The following LETM2 variants were observed in gnomAD, a reference collection of about 807,000 sequenced individuals.
LETM2 encodes the protein LETM1 domain-containing protein LETM2, mitochondrial.
LETM2 carries 58 observed loss-of-function variants against 59.6 expected under a neutral mutation model. The ratio of observed to expected loss-of-function variants is 0.97; its 90% CI spans 0.79 to 1.21. The LOEUF is 1.21. Ranked by LOEUF, LETM2 falls within the 50% of genes most tolerant of loss-of-function variation. The pLI is 0.00. For synonymous variants in LETM2, 199 were observed against 214.1 expected (o/e 0.93, Z 0.62); for missense variants, 572 against 575.7 (o/e 0.99, Z 0.07).
chr8:38,400,445 G>C, intron 5 of LETM2, 36 bp downstream of exon 5: 10 of 1,525,860 alleles, frequency 6.6e-6, no homozygotes, highest in Non-Finnish European at 8.8e-6. Context: ...ACAACTTCGG[G>C]GCTGGGCGTT....
upstream of LETM2, among the ~76,000 whole-genome samples, chr8:38,383,855 G>A (rs1256230873): frequency 2.0e-5 from 3 of 151,594 alleles, no homozygotes; most frequent in South Asian, 2.1e-4. Flanking sequence ...GCGTGAACCC[G>A]GGAAGCGGAG....
At chr8:38,388,248 C>G (rs1811933146) in intron 2 of LETM2, among the ~76,000 whole-genome samples, 1 of 151,774 alleles carries the variant, frequency 6.6e-6, no homozygotes, top group African/African-American at 2.4e-5. Context: ...TCCGGCTAAT[C>G]TTTGTATTTT....
At position 38,403,439 on chromosome 8, in the gene LETM2, A is replaced by T. The variant is rs1013577459; in HGVS notation, c.1104+795A>T. Among the ~76,000 whole-genome samples the T allele has an allele frequency of 5.9e-5, 9 of 152,244 alleles. No individual in the cohort carries two copies. The East Asian group carries it at 1.7e-3, about 29-fold the overall frequency. On this transcript the variant is annotated intron_variant, in intron 7 of 10. Transcript: ENST00000379957. ...CTGTCATCTGTGTGAATCTGTCTGG[A>T]GGTCCCCACTTTGCCTGGTGGCCCA... is the stretch of plus-strand genomic sequence containing the variant.
At chr8:38,406,161 TTATC>T (rs1813699220) in intron 8 of LETM2, among the ~76,000 whole-genome samples, 1 of 152,204 alleles carries the variant, frequency 6.6e-6, no homozygotes, top group Non-Finnish European at 1.5e-5. Flanking sequence ...ATTCTTATCG[TTATC>T]TATTTTAATA....
Position 38,388,963 on chromosome 8 carries a change from G to A in LETM2, c.47+933G>A, listed in dbSNP as rs149538322. ...GTATTTTTAGTACAGATGGGGTTTC[G>A]CCATGTTGGCCAGGCTGGTCTTGAA... On this transcript the variant is annotated intron_variant, in intron 2 of 10. Transcript: ENST00000379957. 4.0e-3 allele frequency among the ~76,000 whole-genome samples: 606 copies of A among 151,586 alleles called. 4 individuals carry two copies. The highest frequency in any genetic ancestry group is 0.014 in the African/African-American group (578 of 41,374).
chr8:38,393,029 G>T (rs748613526), intron 3 of LETM2, 34 bp downstream of exon 3: 2 of 1,517,548 alleles, frequency 1.3e-6, no homozygotes, highest in South Asian at 2.4e-5. Flanking sequence ...AAGAAAATGT[G>T]AAATTAAAAT....
At chr8:38,403,937 C>T (rs1177424685) in intron 7 of LETM2, among the ~76,000 whole-genome samples, 2 of 152,196 alleles carry the variant, frequency 1.3e-5, no homozygotes, top group African/African-American at 4.8e-5. Flanking sequence ...CAGGCCACTG[C>T]AGCCTCAAAC....
rs767684992 is a variant in LETM2 at position 38,401,056 on chromosome 8, A to G, written c.984+3A>G. 1.2e-6 allele frequency: 2 copies of G among 1,611,440 alleles called. No homozygotes were observed. On this transcript the variant is annotated splice_donor_region_variant and intron_variant, in intron 6 of 10. Coordinates refer to ENST00000379957, the MANE Select transcript of LETM2 (RefSeq NM_001286819.2). Reference sequence around the variant, plus strand: ...AGTCTATAAAAGCAGATGATGAAGTAAGAGCTTAACCATAGCTCTAGGGAA... The same window carrying G: ...AGTCTATAAAAGCAGATGATGAAGTGAGAGCTTAACCATAGCTCTAGGGAA...
rs1236140704 is a variant in LETM2 at position 38,386,557 on chromosome 8, C to T, written c.-46C>T. 1 of 152,210 alleles carries T rather than the reference C, an allele frequency of 6.6e-6. No individual in the cohort carries two copies. Among genetic ancestry groups the T allele is most frequent in the African/African-American group, 2.4e-5 (1 of 41,444 alleles). The allele number at this position is 152,210 out of a possible 1,614,324, so 9.4% of individuals were successfully genotyped here. On this transcript the variant is annotated 5_prime_UTR_variant, in exon 1 of 11. Transcript: ENST00000379957. ...GACCTAGGCGGCCGTTCCGCGGAGC[C>T]CGGCCGAGGAGGTAGGGGTGGGCAG...
Position 38,400,365 on chromosome 8 carries a change from A to C in LETM2, c.739A>C (p.Lys247Gln), listed in dbSNP as rs1185926240. ...AGAAATGGCAAGGAGGAACAGAGCC[A>C]AGATGGGCGATGCCTCTACACAGCT... The part of the protein sequence containing the change: ...MTEMARRNRA[K>Q]MGDASTQLSS... Residue 247 changes from lysine to glutamine, a missense_variant, in exon 5 of 11, where the codon AAG (lysine) becomes CAG (glutamine). Coordinates refer to ENST00000379957, the MANE Select transcript of LETM2 (RefSeq NM_001286819.2). The C allele has an allele frequency of 6.2e-7, 1 of 1,613,628 alleles. No homozygotes were observed. Among genetic ancestry groups the C allele is most frequent in the Non-Finnish European group, 8.5e-7 (1 of 1,179,812 alleles).
chr8:38,397,162 A>C (rs1393216051), intron 4 of LETM2: 1 of 455,888 alleles, frequency 2.2e-6, no homozygotes, highest in Non-Finnish European at 4.4e-6. Flanking sequence ...ACATTATGAG[A>C]AGACAAAAAG....
intron 2 of LETM2, among the ~76,000 whole-genome samples, chr8:38,389,733 G>T (rs1812060117): frequency 6.6e-6 from 1 of 150,866 alleles, no homozygotes; most frequent in African/African-American, 2.4e-5. Flanking sequence ...AGGCACTGTG[G>T]CTCACGCCTG....
In LETM2 at chr8:38,408,583, AG is replaced by A. The variant is rs1269942365; in HGVS notation, c.*311del. 1.3e-5 allele frequency: 3 copies of A among 223,502 alleles called. No homozygotes were observed. Among genetic ancestry groups the A allele is most frequent in the African/African-American group, 6.9e-5 (3 of 43,770 alleles). 13.8% of individuals were successfully genotyped at this position (223,502 alleles called of 1,614,324 possible). ...GTTTCATGTGTACGTCCCTTCAGAG[AG>A]GAAATTTTTTGCACAATGGAATCAG... On this transcript the variant is annotated 3_prime_UTR_variant, in exon 11 of 11. Coordinates refer to ENST00000379957, the MANE Select transcript of LETM2 (RefSeq NM_001286819.2).
intron 4 of LETM2, among the ~76,000 whole-genome samples, chr8:38,398,812 C>A (rs780379737): frequency 6.6e-6 from 1 of 151,486 alleles, no homozygotes; most frequent in African/African-American, 2.4e-5. Context: ...ATCCTCCCCC[C>A]AGGTTCAAGC....
chr8:38,400,403 G>A lies in LETM2; in HGVS notation c.777G>A (p.Val259=), dbSNP rs924249866. 1 of 1,573,386 alleles carries A rather than the reference G, an allele frequency of 6.4e-7. No homozygotes were observed. Among genetic ancestry groups the A allele is most frequent in the Admixed American group, 1.9e-5 (1 of 51,752 alleles). The part of the protein sequence containing the change: ...GDASTQLSSY[V]KQVQTGHKPS... ...CCTCTACACAGCTCTCATCCTACGT[G>A]AAGCAGGTGTCCATCTTTTATGTAA... The change falls in exon 5 of 11, where the codon GTG becomes GTA. Residue 259 remains valine, a synonymous_variant. Transcript: ENST00000379957.
Position 38,402,612 on chromosome 8 carries a change from A to C in LETM2, c.1072A>C (p.Thr358Pro). 3 of 1,614,164 alleles carry C rather than the reference A, an allele frequency of 1.9e-6. No individual in the cohort carries two copies. The highest frequency in any genetic ancestry group is 2.5e-6 in the Non-Finnish European group (3 of 1,179,998). ...CCGAGGGATGAGATCACTGGGTCTC[A>C]CGGAGGAACAACTGCGACAACAGCT... ...RARGMRSLGLTEEQLRQQLTE... is the reference protein window; with the variant it reads ...RARGMRSLGLPEEQLRQQLTE... The change falls in exon 7 of 11, where the codon ACG (threonine) becomes CCG (proline). Residue 358 changes from threonine (T) to proline (P), a missense_variant. Physicochemically the swap from Thr to Pro is conservative, Grantham distance 38 (BLOSUM62 -1). Coordinates refer to ENST00000379957, the MANE Select transcript of LETM2 (RefSeq NM_001286819.2).
At chr8:38,384,564 T>C (rs537854373), upstream of LETM2, among the ~76,000 whole-genome samples, 1 of 152,314 alleles carries the variant, frequency 6.6e-6, no homozygotes, top group African/African-American at 2.4e-5. Context: ...GGAAAAAATA[T>C]TTTTTTAAAA....
chr8:38,400,919 C>A lies in LETM2; in HGVS notation c.850C>A (p.Leu284Met), dbSNP rs1161610651. The A allele has an allele frequency of 6.2e-7, 1 of 1,614,206 alleles. No homozygotes were observed. Among genetic ancestry groups the A allele is most frequent in the Non-Finnish European group, 8.5e-7 (1 of 1,180,022 alleles). Residue 284 changes from leucine to methionine, a missense_variant, in exon 6 of 11, where the codon CTG (leucine) becomes ATG (methionine). Coordinates refer to ENST00000379957, the MANE Select transcript of LETM2 (RefSeq NM_001286819.2). ...VRFSKLFEDQ[L>M]ALEHLDRPQL... ...CTTCTCCAAACTATTTGAGGACCAG[C>A]TGGCCCTGGAACACTTAGATCGCCC...
rs181165910 is a variant in LETM2, at chr8:38,400,037, C to G, written c.646-235C>G. 2.0e-5 allele frequency among the ~76,000 whole-genome samples: 3 copies of G among 152,200 alleles called. No individual in the cohort carries two copies. The East Asian group carries it at 5.8e-4, about 29-fold the overall frequency. On this transcript the variant is annotated intron_variant, in intron 4 of 10. Coordinates refer to ENST00000379957, the MANE Select transcript of LETM2 (RefSeq NM_001286819.2). Reference sequence around the variant, plus strand: ...CATTGGGGGAACATTTTGGATCTATCAAATGCTTATGATTATTGTATTAGT... The same window carrying G: ...CATTGGGGGAACATTTTGGATCTATGAAATGCTTATGATTATTGTATTAGT...
Sources: allele counts gnomAD v4.1 joint callset (sites outside exome capture counted in the v4.1 genomes callset), GRCh38; gene constraint gnomAD v4.1.1; transcripts MANE v1.5; gene names NCBI Gene and HGNC (gene_info 2026-07-23, HGNC 2026-07-21).